The following LRRTM4 variants were observed in gnomAD, a reference collection of about 807,000 sequenced individuals.
LRRTM4 encodes leucine-rich repeat transmembrane neuronal protein 4.
LRRTM4 carries 25 observed loss-of-function variants against 47.6 expected under a neutral mutation model. The observed-to-expected ratio is 0.53, with a 90% confidence interval of 0.38 to 0.73. The LOEUF is 0.73. Ranked by LOEUF, LRRTM4 falls within the 30% of genes least tolerant of loss-of-function variation. The pLI is 0.00. For synonymous variants in LRRTM4, 311 were observed against 269.5 expected (o/e 1.15, Z -1.51); for missense variants, 638 against 713.4 (o/e 0.89, Z 1.20).
intron 3 of LRRTM4, among the ~76,000 whole-genome samples, chr2:77,155,807 G>A (rs1190680458): frequency 6.6e-6 from 1 of 152,084 alleles, no homozygotes; most frequent in Non-Finnish European, 1.5e-5. Flanking sequence ...AATACATTTG[G>A]TTGTTCTATT....
At chr2:76,779,075 G>A (rs1315963975) in intron 3 of LRRTM4, among the ~76,000 whole-genome samples, 2 of 145,562 alleles carry the variant, frequency 1.4e-5, no homozygotes, top group Admixed American at 6.9e-5. Context: ...GTGGTTTTGA[G>A]TGAGATTCTT....
At chr2:77,341,586 A>T (rs1024168327) in intron 3 of LRRTM4, among the ~76,000 whole-genome samples, 1 of 152,094 alleles carries the variant, frequency 6.6e-6, no homozygotes. Flanking sequence ...ACGAGACAAG[A>T]ACCACGCATG....
intron 3 of LRRTM4, among the ~76,000 whole-genome samples, chr2:77,160,502 TA>T (rs70939846): frequency 1.4e-3 from 216 of 149,292 alleles, no homozygotes; most frequent in African/African-American, 3.7e-3. Context: ...GTTTAATATT[TA>T]AAAAAAAAAA....
At chr2:77,072,494 G>A (rs76429054) in intron 3 of LRRTM4, among the ~76,000 whole-genome samples, 3,277 of 151,960 alleles carry the variant, frequency 0.022, 81 homozygotes, top group African/African-American at 0.068. Context: ...TACAATCCTG[G>A]GTCACCCAAG....
At chr2:76,863,487 T>G (rs1672377397) in intron 3 of LRRTM4, among the ~76,000 whole-genome samples, 1 of 152,278 alleles carries the variant, frequency 6.6e-6, no homozygotes, top group East Asian at 1.9e-4. Context: ...TCAGAAAATC[T>G]AAATTCAGAG....
chr2:77,424,181 C>T (rs1265950707), intron 3 of LRRTM4, among the ~76,000 whole-genome samples: 1 of 152,140 alleles, frequency 6.6e-6, no homozygotes, highest in African/African-American at 2.4e-5. Context: ...TGCTCAACCT[C>T]TTAGCAATCA....
At chr2:77,081,912 T>A (rs759589793) in intron 3 of LRRTM4, among the ~76,000 whole-genome samples, 44 of 152,128 alleles carry the variant, frequency 2.9e-4, no homozygotes, top group Non-Finnish European at 1.6e-4. Flanking sequence ...TTTCATCGGC[T>A]TTTTGGGTTT....
intron 3 of LRRTM4, among the ~76,000 whole-genome samples, chr2:77,088,668 C>T (rs954433759): frequency 7.2e-5 from 11 of 152,228 alleles, no homozygotes; most frequent in African/African-American, 1.7e-4. Flanking sequence ...CACACGGACG[C>T]GCATGAAATT....
At chr2:77,134,757 T>C (rs576780970) in intron 3 of LRRTM4, among the ~76,000 whole-genome samples, 2 of 152,286 alleles carry the variant, frequency 1.3e-5, no homozygotes, top group African/African-American at 4.8e-5. Flanking sequence ...ATATTCCAAA[T>C]GCTATAGGTC....
intron 3 of LRRTM4, among the ~76,000 whole-genome samples, chr2:76,991,616 T>C (rs752262186): frequency 1.3e-4 from 19 of 151,610 alleles, no homozygotes; most frequent in East Asian, 1.9e-4. Flanking sequence ...CAGACTAATA[T>C]TGAGTTCTGA....
chr2:77,403,691 G>A (rs1371337949), intron 3 of LRRTM4, among the ~76,000 whole-genome samples: 1 of 151,674 alleles, frequency 6.6e-6, no homozygotes, highest in African/African-American at 2.4e-5. Context: ...CTCCTCCTTT[G>A]AAACCTTGCT....
At chr2:76,992,995 TGAATTCAACC>T (rs1677067383) in intron 3 of LRRTM4, among the ~76,000 whole-genome samples, 1 of 151,734 alleles carries the variant, frequency 6.6e-6, no homozygotes, top group East Asian at 1.9e-4. Context: ...TGATCTTTGA[TGAATTCAACC>T]GAAATAAGCA....
At chr2:77,453,385 T>C (rs997470200) in intron 3 of LRRTM4, among the ~76,000 whole-genome samples, 2 of 151,948 alleles carry the variant, frequency 1.3e-5, no homozygotes, top group African/African-American at 4.8e-5. Context: ...GTTCACCGTG[T>C]TAGCAAGGAT....
At chr2:77,378,509 A>T (rs922959048) in intron 3 of LRRTM4, among the ~76,000 whole-genome samples, 1 of 152,134 alleles carries the variant, frequency 6.6e-6, no homozygotes, top group South Asian at 2.1e-4. Flanking sequence ...AAAACACATT[A>T]TATGTATTTT....
At chr2:77,367,350 A>C (rs1672500827) in intron 3 of LRRTM4, among the ~76,000 whole-genome samples, 1 of 151,632 alleles carries the variant, frequency 6.6e-6, no homozygotes, top group Non-Finnish European at 1.5e-5. Context: ...ATTTTTTTTC[A>C]TGATTACAAC....
intron 3 of LRRTM4, among the ~76,000 whole-genome samples, chr2:77,433,205 TA>T (rs1675455514): frequency 6.6e-6 from 1 of 152,186 alleles, no homozygotes; most frequent in Admixed American, 6.5e-5. Context: ...TACCAACAGA[TA>T]AAAATGTTCA....
chr2:77,056,488 G>T (rs1195599685), intron 3 of LRRTM4, among the ~76,000 whole-genome samples: 1 of 151,720 alleles, frequency 6.6e-6, no homozygotes, highest in Non-Finnish European at 1.5e-5. Context: ...GGCTATAACA[G>T]AATACATAAT....
chr2:77,344,099 A>C (rs990945757), intron 3 of LRRTM4, among the ~76,000 whole-genome samples: 4 of 151,908 alleles, frequency 2.6e-5, no homozygotes, highest in African/African-American at 4.8e-5. Flanking sequence ...TAAAACAAAC[A>C]AAAAAGGAAT....
At chr2:77,453,758 G>A (rs1397005108) in intron 3 of LRRTM4, among the ~76,000 whole-genome samples, 2 of 152,000 alleles carry the variant, frequency 1.3e-5, no homozygotes, top group Non-Finnish European at 2.9e-5. Context: ...TTCATAAAAA[G>A]GACATTGGTA....
Sources: gnomAD v4.1 joint callset for allele counts (sites outside exome capture counted in the v4.1 genomes callset) on GRCh38, gnomAD v4.1.1 for gene constraint, MANE v1.5 for transcripts, NCBI Gene and HGNC (gene_info 2026-07-23, HGNC 2026-07-21) for gene names.